Variants in FRYL observed in about 807,000 individuals in gnomAD.
The protein encoded by FRYL is FRY like transcription coactivator.
FRYL carries 150 observed loss-of-function variants against 351.2 expected under a neutral mutation model. That is an observed-to-expected ratio of 0.43 (90% confidence interval 0.37 to 0.49). The LOEUF (loss-of-function observed/expected upper bound fraction) is 0.49, where lower values mean the gene tolerates loss of function less well. Among genes scored for constraint, FRYL ranks in the 20% least tolerant of loss-of-function variants. The pLI is 0.00. For synonymous variants in FRYL, 1,153 were observed against 1,257.1 expected (o/e 0.92, Z 1.75); for missense variants, 3,036 against 3,619.3 (o/e 0.84, Z 4.13).
intron 3 of FRYL, among the ~76,000 whole-genome samples, chr4:48,647,877 T>C (rs1409078796): frequency 6.6e-6 from 1 of 152,152 alleles, no homozygotes; most frequent in Non-Finnish European, 1.5e-5. Context: ...AGGTGATTCT[T>C]TTCCACTATG....
intron 4 of FRYL, among the ~76,000 whole-genome samples, chr4:48,626,271 T>C (rs547684082): frequency 6.6e-6 from 1 of 152,240 alleles, no homozygotes; most frequent in South Asian, 2.1e-4. Flanking sequence ...TGTGTATATG[T>C]GTATACATGT....
intron 2 of FRYL, among the ~76,000 whole-genome samples, chr4:48,696,535 G>T (rs1560872839): frequency 6.6e-6 from 1 of 152,064 alleles, no homozygotes; most frequent in Admixed American, 6.6e-5. Context: ...CAGCAGGTGG[G>T]GGGCAAGGAG....
intron 1 of FRYL, among the ~76,000 whole-genome samples, chr4:48,713,939 A>G (rs1381052977): frequency 6.6e-6 from 1 of 152,144 alleles, no homozygotes; most frequent in African/African-American, 2.4e-5. Context: ...CCACAGTGCA[A>G]TCAAACTAGA....
intron 41 of FRYL, chr4:48,546,650 G>T (rs761108103): frequency 5.0e-6 from 1 of 198,642 alleles, no homozygotes; most frequent in Non-Finnish European, 1.0e-5. Context: ...TATAATTTTT[G>T]ATCCATTTCC....
At chr4:48,654,290 T>C (rs1758337656) in intron 3 of FRYL, among the ~76,000 whole-genome samples, 1 of 125,374 alleles carries the variant, frequency 8.0e-6, no homozygotes. Context: ...TTTCCCTTAA[T>C]AGCTGATCAA....
intron 38 of FRYL, among the ~76,000 whole-genome samples, chr4:48,550,287 A>G (rs1278593047): frequency 6.8e-6 from 1 of 148,028 alleles, no homozygotes; most frequent in Non-Finnish European, 1.5e-5. Flanking sequence ...GAATCCATGC[A>G]GAAGGAGCAA....
At chr4:48,571,738 A>G (rs192979454) in intron 26 of FRYL, 365 of 970,400 alleles carry the variant, frequency 3.8e-4, no homozygotes, top group Non-Finnish European at 4.1e-4. Flanking sequence ...TTGAAACAGG[A>G]TGATTTCTTA....
intron 2 of FRYL, among the ~76,000 whole-genome samples, chr4:48,702,524 C>T (rs1356138950): frequency 7.3e-6 from 1 of 136,430 alleles, no homozygotes; most frequent in African/African-American, 2.8e-5. Context: ...GCTTGTAATC[C>T]CAGCACTTTG....
intron 1 of FRYL, among the ~76,000 whole-genome samples, chr4:48,766,766 A>C (rs1264510282): frequency 6.6e-6 from 1 of 152,064 alleles, no homozygotes; most frequent in Admixed American, 6.6e-5. Flanking sequence ...TTTTTTTGTA[A>C]AGGCATTCAT....
chr4:48,712,561 T>G (rs6823899), intron 1 of FRYL, among the ~76,000 whole-genome samples: 3 of 152,200 alleles, frequency 2.0e-5, no homozygotes, highest in African/African-American at 7.2e-5. Context: ...AGAAATATGG[T>G]ACTGTGTGAA....
chr4:48,746,832 T>G (rs1232357923), intron 1 of FRYL, among the ~76,000 whole-genome samples: 2 of 152,132 alleles, frequency 1.3e-5, no homozygotes, highest in Non-Finnish European at 2.9e-5. Context: ...GTCCCAGCTG[T>G]TTGACTCTTC....
chr4:48,573,077 AAAG>A, intron 26 of FRYL, 106 bp downstream of exon 26: 3 of 739,886 alleles, frequency 4.1e-6, no homozygotes, highest in Non-Finnish European at 6.8e-6. Flanking sequence ...TGCATCTTAA[AAAG>A]AAGAATACAC....
chr4:48,750,432 G>C (rs1407922974), intron 1 of FRYL, among the ~76,000 whole-genome samples: 1 of 151,978 alleles, frequency 6.6e-6, no homozygotes, highest in African/African-American at 2.4e-5. Flanking sequence ...CTGCACTCCA[G>C]CCTGGGTGAC....
rs1367729964 is a variant in FRYL, at chr4:48,499,532, T to G, written c.8932A>C (p.Lys2978Gln). The change falls in exon 64 of 64, where the codon AAA (lysine) becomes CAA (glutamine). Residue 2978 changes from lysine (K) to glutamine (Q), a missense_variant. Around this residue, in one of 7 missense-constraint regions of FRYL, gnomAD observed 1,987 missense variants for 2,311.7 expected, o/e 0.86. Coordinates refer to ENST00000358350, the MANE Select transcript of FRYL (RefSeq NM_015030.2). ...SNLDMSEANY[K>Q]LMELNLEIRE... ...ATTTCCAGATTAAGTTCCATCAGTTTGTAGTTGGCTTCTGACATGTCCAGG... is the reference window on the plus strand; with the variant it reads ...ATTTCCAGATTAAGTTCCATCAGTTGGTAGTTGGCTTCTGACATGTCCAGG... 1 of 1,614,132 alleles carries G rather than the reference T, an allele frequency of 6.2e-7. No individual in the cohort carries two copies. The highest frequency in any genetic ancestry group is 1.7e-5 in the Admixed American group (1 of 60,016).
chr4:48,611,163 G>A (rs1748098507), intron 7 of FRYL, among the ~76,000 whole-genome samples: 2 of 151,834 alleles, frequency 1.3e-5, no homozygotes, highest in African/African-American at 4.8e-5. Flanking sequence ...ATAAAATGGT[G>A]TAGTATTTGC....
intron 61 of FRYL, among the ~76,000 whole-genome samples, chr4:48,502,370 G>A (rs1474605833): frequency 2.6e-5 from 4 of 151,974 alleles, no homozygotes; most frequent in East Asian, 1.9e-4. Flanking sequence ...GTGAAACCCC[G>A]TCTCTACTAA....
chr4:48,673,101 C>CT (rs1461277104), intron 3 of FRYL, among the ~76,000 whole-genome samples: 1 of 152,186 alleles, frequency 6.6e-6, no homozygotes, highest in Non-Finnish European at 1.5e-5. Context: ...ACATTTATAT[C>CT]TCATGAAGCC....
intron 15 of FRYL, among the ~76,000 whole-genome samples, chr4:48,595,240 C>T (rs1260076050): frequency 3.3e-5 from 5 of 152,144 alleles, no homozygotes; most frequent in African/African-American, 9.7e-5. Flanking sequence ...ATATTCCTTT[C>T]GAGGTCCCTT....
chr4:48,634,509 A>G lies in FRYL; in HGVS notation c.-80-19T>C. 6.3e-7 allele frequency: 1 copy of G among 1,591,204 alleles called. No homozygotes were observed. Among genetic ancestry groups the G allele is most frequent in the South Asian group, 1.1e-5 (1 of 89,430 alleles). ...GCTGAAGCTAAAAGTAAAAGAAACA[A>G]AAGAACTCTACTTTAATAAATCAAC... On this transcript the variant is annotated intron_variant, in intron 3 of 63. Transcript: ENST00000358350.
Sources: allele counts gnomAD v4.1 joint callset (sites outside exome capture counted in the v4.1 genomes callset), GRCh38; gene constraint gnomAD v4.1.1; regional missense constraint gnomAD v4.1.1; transcripts MANE v1.5; gene names NCBI Gene and HGNC (gene_info 2026-07-23, HGNC 2026-07-21).